Variants in CCDC141 observed in about 807,000 individuals in gnomAD.
The protein encoded by CCDC141 is coiled-coil domain containing 141, also known as coiled-coil domain-containing protein 141.
Under a neutral mutation model 181.0 loss-of-function variants are expected in CCDC141, and 168 were observed. The observed-to-expected ratio is 0.93, with a 90% CI of 0.82 to 1.05. CCDC141 has a LOEUF of 1.05. CCDC141 is among the 50% of genes least tolerant of loss of function. The probability of loss-of-function intolerance (pLI) is 0.00; values close to 1 mark genes in which losing one functional copy is unlikely to be tolerated. For missense variants in CCDC141, 1,902 were observed against 1,788.5 expected (o/e 1.06, Z -1.14); for synonymous variants, 666 against 642.3 (o/e 1.04, Z -0.56).
At chr2:179,037,250 G>A (rs1430761893) in intron 2 of CCDC141, among the ~76,000 whole-genome samples, 2 of 152,228 alleles carry the variant, frequency 1.3e-5, no homozygotes, top group Non-Finnish European at 2.9e-5. Context: ...GAAAGAGAAA[G>A]TGAGGAGATA....
At position 178,868,090 on chromosome 2, in the gene CCDC141, A is replaced by G; in HGVS notation, c.2510T>C (p.Val837Ala). Residue 837 changes from valine (V) to alanine (A), a missense_variant, in exon 16 of 24, where the codon GTA becomes GCA. Physicochemically the swap from Val to Ala is moderately conservative, Grantham distance 64. Transcript: ENST00000443758. ...AAGGGCCAGTCTGTGGAGATGGTCT[A>G]CACGGGCTTGCTTTTCCTGAGAGCA... is the stretch of plus-strand genomic sequence containing the variant. ...LRCSQEKQARVDHLHRLALSL... is the reference protein window; with the variant it reads ...LRCSQEKQARADHLHRLALSL... 1 of 1,614,058 alleles carries G rather than the reference A, an allele frequency of 6.2e-7. No homozygotes were observed. Among genetic ancestry groups the G allele is most frequent in the South Asian group, 1.1e-5 (1 of 91,082 alleles).
intron 8 of CCDC141, among the ~76,000 whole-genome samples, chr2:178,901,177 A>G (rs1339947020): frequency 6.6e-6 from 1 of 152,174 alleles, no homozygotes; most frequent in African/African-American, 2.4e-5. Flanking sequence ...GGCCAGAGGT[A>G]CAAGGAGGAG....
chr2:178,934,214 G>A (rs1222828116), intron 6 of CCDC141, among the ~76,000 whole-genome samples: 1 of 152,092 alleles, frequency 6.6e-6, no homozygotes, highest in Non-Finnish European at 1.5e-5. Flanking sequence ...AAGGGTTGAA[G>A]CTATAGAAGT....
chr2:178,831,955 A>G lies in CCDC141; in HGVS notation c.*2218T>C, dbSNP rs1684265213. On this transcript the variant is annotated 3_prime_UTR_variant, in exon 24 of 24. Transcript: ENST00000443758. ...GCATATGTATCTCATTCTGCTCCCCAAAGAGTTAACATGAACAAGCATGCA... is the reference window on the plus strand; with the variant it reads ...GCATATGTATCTCATTCTGCTCCCCGAAGAGTTAACATGAACAAGCATGCA... 6.6e-6 allele frequency: 1 copy of G among 151,782 alleles called. No homozygotes were observed. Among genetic ancestry groups the G allele is most frequent in the Admixed American group, 6.6e-5 (1 of 15,198 alleles). 9.4% of individuals were successfully genotyped at this position (151,782 alleles called of 1,614,324 possible). A position where few individuals can be genotyped will look rare whatever the true frequency, so the allele number is the denominator to read the frequency against.
intron 2 of CCDC141, among the ~76,000 whole-genome samples, chr2:179,015,126 T>G (rs1300075836): frequency 2.0e-5 from 2 of 102,404 alleles, no homozygotes; most frequent in Non-Finnish European, 2.1e-5. Context: ...ATCATATATA[T>G]ATATCATATC....
In CCDC141 at chr2:178,834,274, C is replaced by G; in HGVS notation, c.4492G>C (p.Val1498Leu). The G allele has an allele frequency of 6.5e-7, 1 of 1,536,066 alleles. No individual in the cohort carries two copies. The highest frequency in any genetic ancestry group is 8.7e-7 in the Non-Finnish European group (1 of 1,146,866). ...GALSSNVILH[V>L]TGNCRLPITR... ...ATTGGCAGCCTGCAGTTACCTGTCA[C>G]GTGGAGGATGACATTGGAAGAGAGA... The change falls in exon 24 of 24, where the codon GTG (valine) becomes CTG (leucine). Residue 1498 changes from valine (V) to leucine (L), a missense_variant. Val to Leu is a conservative substitution (Grantham distance 32). Coordinates refer to ENST00000443758, the MANE Select transcript of CCDC141 (RefSeq NM_173648.4).
intron 16 of CCDC141, among the ~76,000 whole-genome samples, chr2:178,867,633 C>T (rs576502075): frequency 1.2e-4 from 18 of 152,186 alleles, no homozygotes; most frequent in African/African-American, 4.3e-4. Context: ...TAAAAGTTGT[C>T]CCATAACTAT....
intron 5 of CCDC141, among the ~76,000 whole-genome samples, chr2:178,945,778 T>G (rs557666670): frequency 1.3e-5 from 2 of 152,044 alleles, no homozygotes; most frequent in Non-Finnish European, 2.9e-5. Flanking sequence ...TGGAGAAATG[T>G]GTACAACAGG....
At chr2:178,891,485 C>T (rs1687145786) in intron 8 of CCDC141, among the ~76,000 whole-genome samples, 1 of 152,136 alleles carries the variant, frequency 6.6e-6, no homozygotes, top group Admixed American at 6.6e-5. Flanking sequence ...TCTAAAATTT[C>T]ACTTTGCCTT....
intron 2 of CCDC141, among the ~76,000 whole-genome samples, chr2:179,006,213 A>G (rs762247599): frequency 2.2e-4 from 34 of 152,218 alleles, no homozygotes; most frequent in Non-Finnish European, 4.6e-4. Flanking sequence ...TTTCATTGGC[A>G]GATAATATTA....
Position 179,004,881 on chromosome 2 carries a change from G to A in CCDC141, c.226-26206C>T, listed in dbSNP as rs536614599. ...CTAGTAGCTGGGATTATAGGCACAC[G>A]CCAGTGTGCCTGACTAATTTTTGTA... On this transcript the variant is annotated intron_variant, in intron 2 of 23. Transcript: ENST00000443758. 1.1e-4 allele frequency among the ~76,000 whole-genome samples: 16 copies of A among 152,180 alleles called. No individual in the cohort carries two copies. The East Asian group carries it at 1.9e-3, about 18-fold the overall frequency.
intron 17 of CCDC141, among the ~76,000 whole-genome samples, chr2:178,858,879 T>C (rs975920448): frequency 1.3e-5 from 2 of 152,144 alleles, no homozygotes; most frequent in Non-Finnish European, 2.9e-5. Context: ...AATGGGAAAG[T>C]TCAATGTCTA....
At chr2:179,019,999 G>A (rs1209191006) in intron 2 of CCDC141, among the ~76,000 whole-genome samples, 1 of 152,022 alleles carries the variant, frequency 6.6e-6, no homozygotes, top group Non-Finnish European at 1.5e-5. Flanking sequence ...CAAGCAATCT[G>A]ACCACCTGGG....
intron 2 of CCDC141, among the ~76,000 whole-genome samples, chr2:178,981,755 A>G (rs776634576): frequency 1.8e-4 from 27 of 148,618 alleles, no homozygotes; most frequent in Non-Finnish European, 3.4e-4. Flanking sequence ...CTAGAGAAAG[A>G]GAGTAAATTA....
chr2:178,945,802 C>T (rs6732347), intron 5 of CCDC141, among the ~76,000 whole-genome samples: 2,866 of 151,956 alleles, frequency 0.019, 85 homozygotes, highest in East Asian at 0.13. Context: ...CCAAGGAGAA[C>T]TCTACATTAG....
intron 2 of CCDC141, among the ~76,000 whole-genome samples, chr2:179,013,250 T>A (rs1347068696): frequency 6.6e-6 from 1 of 152,120 alleles, no homozygotes; most frequent in African/African-American, 2.4e-5. Flanking sequence ...CTAGAACTGA[T>A]AAAAGAATGC....
chr2:178,860,937 T>G (rs1685587294), intron 17 of CCDC141, among the ~76,000 whole-genome samples: 1 of 152,168 alleles, frequency 6.6e-6, no homozygotes, highest in South Asian at 2.1e-4. Context: ...TTCAGCTCTG[T>G]TTATTGTTCA....
At chr2:178,862,798 C>T (rs1685678596) in intron 17 of CCDC141, among the ~76,000 whole-genome samples, 1 of 152,194 alleles carries the variant, frequency 6.6e-6, no homozygotes, top group South Asian at 2.1e-4. Flanking sequence ...CTCTAAGGCA[C>T]ATCACATTAC....
chr2:179,019,188 A>T (rs1190930384), intron 2 of CCDC141, among the ~76,000 whole-genome samples: 1 of 152,148 alleles, frequency 6.6e-6, no homozygotes, highest in Admixed American at 6.6e-5. Context: ...GGTTCCCAAC[A>T]TTTATCCAAA....
Sources: allele counts gnomAD v4.1 joint callset (sites outside exome capture counted in the v4.1 genomes callset), GRCh38; gene constraint gnomAD v4.1.1; transcripts MANE v1.5; gene names NCBI Gene and HGNC (gene_info 2026-07-23, HGNC 2026-07-21).